Variants in TIAM2 observed in about 807,000 individuals in gnomAD.
The protein encoded by TIAM2 is rho guanine nucleotide exchange factor TIAM2.
TIAM2 carries 80 observed loss-of-function variants against 152.9 expected under a neutral mutation model. That is an observed-to-expected ratio of 0.52 (90% CI 0.44 to 0.63). TIAM2 has a LOEUF of 0.63. Ranked by LOEUF, TIAM2 falls within the 30% of genes least tolerant of loss-of-function variation. The pLI is 0.00. For missense variants in TIAM2, 1,965 were observed against 2,120.1 expected, an observed-to-expected ratio of 0.93 and a Z score of 1.44; for synonymous variants, 804 against 838.0, an observed-to-expected ratio of 0.96 and a Z score of 0.70.
At chr6:155,125,572 C>CT (rs1779271885) in intron 2 of TIAM2, among the ~76,000 whole-genome samples, 1 of 152,154 alleles carries the variant, frequency 6.6e-6, no homozygotes, top group South Asian at 2.1e-4. Context: ...GGCGCGGTGG[C>CT]TCACGCCTGT....
chr6:155,109,553 G>A (rs1359718203), intron 2 of TIAM2, among the ~76,000 whole-genome samples: 1 of 152,186 alleles, frequency 6.6e-6, no homozygotes, highest in East Asian at 1.9e-4. Context: ...AGGGTGGAAT[G>A]TCTTTTTATT....
At chr6:155,111,279 T>C (rs1040545690) in intron 2 of TIAM2, among the ~76,000 whole-genome samples, 1 of 149,902 alleles carries the variant, frequency 6.7e-6, no homozygotes, top group Admixed American at 6.8e-5. Flanking sequence ...TCATGGAAAG[T>C]GTCCATATAT....
chr6:155,240,805 C>T, intron 16 of TIAM2, 96 bp downstream of exon 16: 2 of 1,303,486 alleles, frequency 1.5e-6, no homozygotes, highest in South Asian at 2.8e-5. Flanking sequence ...CCCAGGACAC[C>T]TGCCACTCCC....
At position 155,165,889 on chromosome 6, in the gene TIAM2, C is replaced by T. The variant is rs7751439; in HGVS notation, c.2361+480C>T. Among the ~76,000 whole-genome samples, 313 of 152,044 alleles carry T rather than the reference C, an allele frequency of 2.1e-3. 2 individuals are homozygous for T. Among genetic ancestry groups the T allele is most frequent in the African/African-American group, 6.9e-3 (285 of 41,490 alleles). On this transcript the variant is annotated intron_variant, in intron 9 of 26. Coordinates refer to ENST00000682666, the MANE Select transcript of TIAM2 (RefSeq NM_012454.4). ...ACTGCACAAGTTGCCGTATCTATCC[C>T]GGCACCCCTGAAGAGGTAGTCACAC...
intron 9 of TIAM2, among the ~76,000 whole-genome samples, chr6:155,165,667 A>G (rs934358203): frequency 3.3e-5 from 5 of 152,172 alleles, no homozygotes; most frequent in Non-Finnish European, 5.9e-5. Flanking sequence ...GTGCGCCTAT[A>G]GTCCCAGCTA....
rs1778200499 is a variant in TIAM2 at position 154,995,699 on chromosome 6, C to T, written c.-209+207C>T. On this transcript the variant is annotated intron_variant, in intron 1 of 26. Transcript: ENST00000682666. This position sits in a 1 kb window ranked among gnomAD's most constrained non-coding sequence, Gnocchi z 5.2. ...GGCCTGGCACCCTCTCCCCGGAGGGCGGCAGCGTCCGGGCACAGCCTGGCA... is the reference window on the plus strand; with the variant it reads ...GGCCTGGCACCCTCTCCCCGGAGGGTGGCAGCGTCCGGGCACAGCCTGGCA... Among the ~76,000 whole-genome samples, 1 of 151,998 alleles carries T rather than the reference C, an allele frequency of 6.6e-6. No homozygotes were observed. Among genetic ancestry groups the T allele is most frequent in the Non-Finnish European group, 1.5e-5 (1 of 67,966 alleles).
intron 1 of TIAM2, among the ~76,000 whole-genome samples, chr6:155,069,097 T>TTTTA (rs1201014811): frequency 4.4e-4 from 67 of 152,100 alleles, no homozygotes; most frequent in Non-Finnish European, 7.5e-4. Flanking sequence ...TTATTTTTTA[T>TTTTA]TTTATTTATT....
chr6:155,105,720 G>A (rs1405178352), intron 2 of TIAM2, among the ~76,000 whole-genome samples: 1 of 151,980 alleles, frequency 6.6e-6, no homozygotes, highest in Non-Finnish European at 1.5e-5. Context: ...CAAAGTGTTG[G>A]AATCACAGGC....
chr6:155,100,970 A>T (rs1034019019), intron 2 of TIAM2, among the ~76,000 whole-genome samples: 1 of 152,166 alleles, frequency 6.6e-6, no homozygotes, highest in South Asian at 2.1e-4. Flanking sequence ...TCTTAGGAGC[A>T]ATGTCTGAGC....
In TIAM2 at chr6:155,248,074, T is replaced by G; in HGVS notation, c.3727T>G (p.Ser1243Ala). 1 of 1,614,072 alleles carries G rather than the reference T, an allele frequency of 6.2e-7. No homozygotes were observed. Among genetic ancestry groups the G allele is most frequent in the Non-Finnish European group, 8.5e-7 (1 of 1,180,006 alleles). Residue 1243 changes from serine (S) to alanine (A), a missense_variant, in exon 20 of 27, where the codon TCC becomes GCC. By Grantham distance (99) the Ser-to-Ala change is moderately conservative (BLOSUM62 1). Transcript: ENST00000682666. ...CAAGCAGCATTCCTCCACGCTGGAG[T>G]CCTACCTCATCAAGCCGGTTCAGAG... The part of the protein sequence containing the change: ...PTKQHSSTLE[S>A]YLIKPVQRVL...
rs778519357 is a variant in TIAM2 at position 155,165,248 on chromosome 6, T to C, written c.2215-15T>C. On this transcript the variant is annotated splice_polypyrimidine_tract_variant and intron_variant, in intron 8 of 26. Coordinates refer to ENST00000682666, the MANE Select transcript of TIAM2 (RefSeq NM_012454.4). ...CTAAGCCTTTAGATTTTTTTTAAAC[T>C]GTGTTTTACATTAGGTATGTTCTAG... 26 of 1,590,872 alleles carry C rather than the reference T, an allele frequency of 1.6e-5. No homozygotes were observed. The highest frequency in any genetic ancestry group is 6.7e-5 in the East Asian group (3 of 44,624).
intron 1 of TIAM2, among the ~76,000 whole-genome samples, chr6:155,065,293 A>G (rs140555776): frequency 2.0e-4 from 30 of 152,282 alleles, no homozygotes; most frequent in Non-Finnish European, 3.1e-4. Context: ...AGTTGTGCTT[A>G]TATTTAAGTA....
rs979229495 is a variant in TIAM2, at chr6:155,062,307, A to C, written c.-208-27982A>C. On this transcript the variant is annotated intron_variant, in intron 1 of 26. Coordinates refer to ENST00000682666, the MANE Select transcript of TIAM2 (RefSeq NM_012454.4). ...AAAGCTGCTATAAACAATTGTGTGC[A>C]GGTTTTTGCACAAGTATAATCTTTT... Among the ~76,000 whole-genome samples, 3 of 152,286 alleles carry C rather than the reference A, an allele frequency of 2.0e-5. No homozygotes were observed. The East Asian group carries it at 5.8e-4, about 29-fold the overall frequency.
At chr6:155,035,712 C>T (rs1033507260) in intron 1 of TIAM2, among the ~76,000 whole-genome samples, 1 of 152,134 alleles carries the variant, frequency 6.6e-6, no homozygotes, top group Non-Finnish European at 1.5e-5. Context: ...CTGGAAAAGG[C>T]TGTAAGTTCT....
At chr6:155,044,240 T>C (rs1022006333) in intron 1 of TIAM2, among the ~76,000 whole-genome samples, 1 of 152,154 alleles carries the variant, frequency 6.6e-6, no homozygotes, top group Admixed American at 6.6e-5. Context: ...ACACAGGTTG[T>C]TCCTGGAGCC....
chr6:155,039,747 T>G (rs1776986966), intron 1 of TIAM2, among the ~76,000 whole-genome samples: 1 of 152,150 alleles, frequency 6.6e-6, no homozygotes, highest in Non-Finnish European at 1.5e-5. Context: ...TTAAGCTTCA[T>G]GAGTTTAATG....
intron 1 of TIAM2, among the ~76,000 whole-genome samples, chr6:155,032,222 C>T (rs1776838649): frequency 6.6e-6 from 1 of 152,148 alleles, no homozygotes; most frequent in African/African-American, 2.4e-5. Flanking sequence ...CGTCTTAAGC[C>T]TGTGCGAACC....
At chr6:155,144,951 A>G (rs1779789580) in intron 6 of TIAM2, among the ~76,000 whole-genome samples, 173 bp downstream of exon 6, 1 of 152,228 alleles carries the variant, frequency 6.6e-6, no homozygotes, top group South Asian at 2.1e-4. Context: ...CTGGGCCATC[A>G]GCAATCCAGT....
At chr6:155,210,490 GT>G (rs1781694080) in intron 14 of TIAM2, among the ~76,000 whole-genome samples, 1 of 150,282 alleles carries the variant, frequency 6.7e-6, no homozygotes, top group Non-Finnish European at 1.5e-5. Flanking sequence ...GATTGTGTGT[GT>G]GTTTTTTTTT....
Sources: gnomAD v4.1 joint callset for allele counts (sites outside exome capture counted in the v4.1 genomes callset) on GRCh38, gnomAD v4.1.1 for gene constraint, Gnocchi (gnomAD v3.1) non-coding constraint, MANE v1.5 for transcripts, NCBI Gene and HGNC (gene_info 2026-07-23, HGNC 2026-07-21) for gene names.